Variants in TMEM132B observed in about 807,000 individuals in gnomAD.
The protein encoded by TMEM132B is transmembrane protein 132B.
In TMEM132B, 18 loss-of-function variants were observed where a neutral mutation model predicts 90.8. The ratio of observed to expected loss-of-function variants is 0.20; its 90% CI spans 0.14 to 0.29. The LOEUF is 0.29. TMEM132B is among the 10% of genes least tolerant of loss of function. The pLI, the probability that TMEM132B is intolerant of heterozygous loss-of-function variation, is 1.00. For missense variants in TMEM132B, 1,096 were observed against 1,326.8 expected, an observed-to-expected ratio of 0.83 and a Z score of 2.70; for synonymous variants, 504 against 523.3, an observed-to-expected ratio of 0.96 and a Z score of 0.50.
At position 125,460,228 on chromosome 12, in the gene TMEM132B, C is replaced by T. The variant is rs933630926; in HGVS notation, c.1106+44551C>T. The stretch of plus-strand genomic sequence containing the variant: ...AAAGCTGGCAGGGCACGGTGGCTCA[C>T]GCCTGTAATCCCAGCACTTTGGGAG... On this transcript the variant is annotated intron_variant, in intron 3 of 8. Transcript: ENST00000682704. The surrounding 1 kb of genome is among the most constrained non-coding windows in gnomAD (Gnocchi z 4.4). 5.9e-5 allele frequency among the ~76,000 whole-genome samples: 9 copies of T among 152,158 alleles called. No individual in the cohort carries two copies. The highest frequency in any genetic ancestry group is 1.4e-4 in the African/African-American group (6 of 41,428).
intron 4 of TMEM132B, among the ~76,000 whole-genome samples, chr12:125,547,471 C>T (rs534095371): frequency 1.3e-5 from 2 of 152,072 alleles, no homozygotes; most frequent in Admixed American, 1.3e-4. Flanking sequence ...ATCTTTTGCT[C>T]GTTATTTTCA....
intron 3 of TMEM132B, among the ~76,000 whole-genome samples, chr12:125,450,374 C>T (rs1881117012): frequency 6.6e-6 from 1 of 152,074 alleles, no homozygotes; most frequent in Non-Finnish European, 1.5e-5. Context: ...AAGAGGTTTC[C>T]ACTGGTTAAA....
chr12:125,308,934 T>C (rs1052166788), intron 1 of TMEM132B, among the ~76,000 whole-genome samples: 5 of 152,232 alleles, frequency 3.3e-5, no homozygotes, highest in African/African-American at 1.2e-4. Flanking sequence ...ATTTAATTTT[T>C]CATTTAAATG....
intron 4 of TMEM132B, among the ~76,000 whole-genome samples, chr12:125,550,932 C>G (rs1884213644): frequency 6.6e-6 from 1 of 152,208 alleles, no homozygotes; most frequent in South Asian, 2.1e-4. Context: ...CCCCCCTCAG[C>G]CTCCCAATTA....
At chr12:125,317,768 C>T (rs907558934) in intron 1 of TMEM132B, among the ~76,000 whole-genome samples, 1 of 152,154 alleles carries the variant, frequency 6.6e-6, no homozygotes, top group African/African-American at 2.4e-5. Flanking sequence ...ACCTGCCCTC[C>T]TTGCTTCATC....
At chr12:125,301,606 CG>C (rs1417690334) in intron 1 of TMEM132B, 1 of 152,384 alleles carries the variant, frequency 6.6e-6, no homozygotes, top group Non-Finnish European at 1.5e-5. Flanking sequence ...TGGCTGGGCG[CG>C]GTGGCTCATG....
intron 8 of TMEM132B, 71 bp downstream of exon 8, chr12:125,652,703 A>G: frequency 6.6e-7 from 1 of 1,517,872 alleles, no homozygotes; most frequent in Non-Finnish European, 8.9e-7. Context: ...ACATCCTGCG[A>G]AGGAGAGCAG....
intron 3 of TMEM132B, among the ~76,000 whole-genome samples, chr12:125,454,591 C>G (rs1029140129): frequency 2.0e-5 from 3 of 152,128 alleles, no homozygotes; most frequent in African/African-American, 7.2e-5. Flanking sequence ...TTGCTTAGCG[C>G]TCAAAAGAGA....
intron 1 of TMEM132B, among the ~76,000 whole-genome samples, chr12:125,345,229 G>A (rs1183304698): frequency 6.6e-6 from 1 of 152,154 alleles, no homozygotes; most frequent in African/African-American, 2.4e-5. Flanking sequence ...AATTAGAGGA[G>A]ACTCAGCCTC....
At chr12:125,505,112 C>T (rs1253424551) in intron 3 of TMEM132B, among the ~76,000 whole-genome samples, 1 of 107,488 alleles carries the variant, frequency 9.3e-6, no homozygotes, top group East Asian at 3.1e-4. Flanking sequence ...GGACGTGATC[C>T]AAAATTACTT....
At chr12:125,588,362 C>T (rs1429156011) in intron 5 of TMEM132B, 2 of 152,260 alleles carry the variant, frequency 1.3e-5, no homozygotes, top group Admixed American at 6.5e-5. Context: ...CCCAGTCTCA[C>T]TGGGTCATCC....
At chr12:125,518,597 C>T (rs1043440338) in intron 3 of TMEM132B, among the ~76,000 whole-genome samples, 6 of 152,220 alleles carry the variant, frequency 3.9e-5, no homozygotes, top group Admixed American at 2.6e-4. Context: ...TGTTTTAACT[C>T]TGTTCAGTGA....
At chr12:125,260,819 C>A (rs576658759) in intron 1 of TMEM132B, among the ~76,000 whole-genome samples, 3 of 152,068 alleles carry the variant, frequency 2.0e-5, no homozygotes, top group Admixed American at 6.5e-5. Flanking sequence ...AGGAGGGCGA[C>A]GTTGGAAGAT....
At chr12:125,485,943 C>T (rs1006068467) in intron 3 of TMEM132B, among the ~76,000 whole-genome samples, 5 of 152,146 alleles carry the variant, frequency 3.3e-5, no homozygotes, top group Admixed American at 3.3e-4. Flanking sequence ...AATCCACTTA[C>T]CGTGCAGTCT....
At chr12:125,271,169 A>AT (rs1449749593) in intron 1 of TMEM132B, among the ~76,000 whole-genome samples, 1 of 152,030 alleles carries the variant, frequency 6.6e-6, no homozygotes, top group Non-Finnish European at 1.5e-5. Context: ...GAGACTCACT[A>AT]TGTCGCCTAC....
chr12:125,434,570 G>A (rs1426552949), intron 3 of TMEM132B, among the ~76,000 whole-genome samples: 1 of 152,130 alleles, frequency 6.6e-6, no homozygotes, highest in Non-Finnish European at 1.5e-5. Context: ...CTCAGTGGCC[G>A]CCCTGGCAGT....
Position 125,324,896 on chromosome 12 carries a change from G to A in TMEM132B, c.68-24556G>A, listed in dbSNP as rs73233377. Among the ~76,000 whole-genome samples, 249 of 152,278 alleles carry A rather than the reference G, an allele frequency of 1.6e-3. 1 individual carries two copies. Among genetic ancestry groups the A allele is most frequent in the African/African-American group, 5.5e-3 (228 of 41,564 alleles). ...TCAGCTTGAAAGGTGAGCTGTGGAC[G>A]TGGCAATCTCTTATTTTGGGGGAAA... On this transcript the variant is annotated intron_variant, in intron 1 of 8. Transcript: ENST00000682704.
At chr12:125,581,033 A>T (rs934123736) in intron 4 of TMEM132B, among the ~76,000 whole-genome samples, 5 of 152,216 alleles carry the variant, frequency 3.3e-5, no homozygotes, top group African/African-American at 1.2e-4. Flanking sequence ...CAGGATAAAA[A>T]AGGTATGAAA....
In TMEM132B at chr12:125,209,557, G is replaced by T. The variant is rs1873270074; in HGVS notation, c.67+22691G>T. ...TGCCACCCCGTTTCCTTTGTTCCTG[G>T]CTGCTGTGGTGCTGGTCACGCTTGG... On this transcript the variant is annotated intron_variant, in intron 1 of 8. Coordinates refer to ENST00000682704, the MANE Select transcript of TMEM132B (RefSeq NM_001366854.1). This position sits in a 1 kb window ranked among gnomAD's most constrained non-coding sequence, Gnocchi z 4.4. 6.6e-6 allele frequency among the ~76,000 whole-genome samples: 1 copy of T among 152,204 alleles called. No homozygotes were observed. Among genetic ancestry groups the T allele is most frequent in the South Asian group, 2.1e-4 (1 of 4,830 alleles).
Sources: gnomAD v4.1 joint callset for allele counts (sites outside exome capture counted in the v4.1 genomes callset) on GRCh38, gnomAD v4.1.1 for gene constraint, Gnocchi (gnomAD v3.1) non-coding constraint, MANE v1.5 for transcripts, NCBI Gene and HGNC (gene_info 2026-07-23, HGNC 2026-07-21) for gene names.